GDI2: variants seen among roughly 807,000 people sequenced by gnomAD.
GDI2 encodes rab GDP dissociation inhibitor beta.
A neutral mutation model predicts 54.2 loss-of-function variants in GDI2; 22 were observed. That is an observed-to-expected ratio of 0.41 (90% CI 0.29 to 0.58). The LOEUF (loss-of-function observed/expected upper bound fraction) is 0.58. Ranked by LOEUF, GDI2 falls within the 20% of genes least tolerant of loss-of-function variation. The pLI, the probability that GDI2 is intolerant of heterozygous loss-of-function variation, is 0.35. For synonymous variants in GDI2, 177 were observed against 182.1 expected (o/e 0.97, Z 0.23); for missense variants, 422 against 546.0 (o/e 0.77, Z 2.26).
In GDI2 at chr10:5,786,538, C is replaced by T. The variant is rs138093890; in HGVS notation, c.389-488G>A. On this transcript the variant is annotated intron_variant, in intron 4 of 10. Transcript: ENST00000380191. ...AGTTTCACAACACCTTAAACTGACA[C>T]GATTATAACAGGTTACTTATAAAGT... Among the ~76,000 whole-genome samples, 6 of 152,178 alleles carry T rather than the reference C, an allele frequency of 3.9e-5. No homozygotes were observed. In the East Asian group the frequency reaches 7.7e-4, roughly 20 times the overall value.
intron 4 of GDI2, among the ~76,000 whole-genome samples, chr10:5,793,615 T>C (rs1392745431): frequency 6.6e-6 from 1 of 152,164 alleles, no homozygotes; most frequent in Non-Finnish European, 1.5e-5. Context: ...GAGAAAACTT[T>C]TCAGCGCTGA....
chr10:5,801,497 A>T (rs1440277275), intron 1 of GDI2, among the ~76,000 whole-genome samples: 2 of 151,884 alleles, frequency 1.3e-5, no homozygotes, highest in Non-Finnish European at 2.9e-5. Context: ...ACCAACATGG[A>T]GAAACCACAT....
chr10:5,795,218 C>G (rs1015956435), intron 3 of GDI2, among the ~76,000 whole-genome samples, 199 bp from the exon 4 acceptor site: 9 of 152,202 alleles, frequency 5.9e-5, no homozygotes, highest in African/African-American at 2.2e-4. Flanking sequence ...CAACCTCAGC[C>G]TCCTGGGCTC....
At chr10:5,772,547 G>A (rs980737503) in intron 7 of GDI2, among the ~76,000 whole-genome samples, 5 of 151,916 alleles carry the variant, frequency 3.3e-5, no homozygotes, top group South Asian at 2.1e-4. Context: ...ACTTGGGGCC[G>A]GGAGTTCGAG....
At chr10:5,801,743 G>A (rs1216014206) in intron 1 of GDI2, among the ~76,000 whole-genome samples, 1 of 152,116 alleles carries the variant, frequency 6.6e-6, no homozygotes. Context: ...AGGCATGGTG[G>A]CTCACACCTG....
chr10:5,766,013 T>C lies in GDI2; in HGVS notation c.1331A>G (p.Glu444Gly). 6.3e-7 allele frequency: 1 copy of C among 1,578,538 alleles called. No individual in the cohort carries two copies. Among genetic ancestry groups the C allele is most frequent in the Non-Finnish European group, 8.6e-7 (1 of 1,169,380 alleles). The part of the protein sequence containing the change: ...MKRKKNDIYG[E>G]D Reference sequence around the variant, plus strand: ...TAATAACATGTACTGCTGTTAGTCTTCCCCATAGATGTCATTCTTCTTGCG... The same window carrying C: ...TAATAACATGTACTGCTGTTAGTCTCCCCCATAGATGTCATTCTTCTTGCG... Residue 444 changes from glutamate (E) to glycine (G), a missense_variant, in exon 11 of 11, where the codon GAA becomes GGA. Physicochemically the swap from Glu to Gly is moderately conservative, Grantham distance 98. Coordinates refer to ENST00000380191, the MANE Select transcript of GDI2 (RefSeq NM_001494.4). This position sits in a 1 kb window ranked among gnomAD's most constrained non-coding sequence, Gnocchi z 5.8.
intron 7 of GDI2, among the ~76,000 whole-genome samples, chr10:5,773,016 T>C (rs1365711319): frequency 6.6e-6 from 1 of 152,122 alleles, no homozygotes; most frequent in Non-Finnish European, 1.5e-5. Context: ...AGTTTGAAAA[T>C]GTGCTTCACA....
At chr10:5,787,977 C>T (rs1425464308) in intron 4 of GDI2, among the ~76,000 whole-genome samples, 2 of 152,216 alleles carry the variant, frequency 1.3e-5, no homozygotes, top group African/African-American at 4.8e-5. Context: ...AGTGCCACTC[C>T]TGTTTTACAC....
intron 2 of GDI2, among the ~76,000 whole-genome samples, chr10:5,797,382 T>C (rs1050442833): frequency 1.3e-5 from 2 of 151,822 alleles, no homozygotes; most frequent in African/African-American, 4.8e-5. Flanking sequence ...CCATCTCTAC[T>C]GAAAATACAA....
chr10:5,766,322 T>A lies in GDI2; in HGVS notation c.1137-27A>T, dbSNP rs762229840. On this transcript the variant is annotated intron_variant, in intron 9 of 10. Transcript: ENST00000380191. The surrounding 1 kb of genome is among the most constrained non-coding windows in gnomAD (Gnocchi z 5.8). Reference sequence around the variant, plus strand: ...TGGAGGGAGAGAGAATTCAGTCAGGTGAGCTGGTCCCACACCTGACCATGG... The same window carrying A: ...TGGAGGGAGAGAGAATTCAGTCAGGAGAGCTGGTCCCACACCTGACCATGG... The A allele has an allele frequency of 6.3e-7, 1 of 1,592,524 alleles. No individual in the cohort carries two copies. The highest frequency in any genetic ancestry group is 1.7e-5 in the Admixed American group (1 of 59,996).
At chr10:5,809,681 C>T (rs1841448848) in intron 1 of GDI2, among the ~76,000 whole-genome samples, 2 of 152,164 alleles carry the variant, frequency 1.3e-5, no homozygotes, top group Non-Finnish European at 2.9e-5. Context: ...TACCTTTTTA[C>T]TGCCCATAAC....
Position 5,766,612 on chromosome 10 carries a change from C to T in GDI2, c.1018G>A (p.Ala340Thr). The change falls in exon 9 of 11, where the codon GCG becomes ACG. Residue 340 changes from alanine to threonine, a missense_variant. Coordinates refer to ENST00000380191, the MANE Select transcript of GDI2 (RefSeq NM_001494.4). The surrounding 1 kb of genome is among the most constrained non-coding windows in gnomAD (Gnocchi z 5.8). ...SDIYVCMISF[A>T]HNVAAQGKYI... is the part of the protein sequence containing the mutation. ...TTCCCTTGTGCTGCTACATTGTGCG[C>T]AAAGGAGATCATGCAGACGTAGATA... is the stretch of plus-strand genomic sequence containing the variant. The T allele has an allele frequency of 6.2e-7, 1 of 1,613,608 alleles. No homozygotes were observed. Among genetic ancestry groups the T allele is most frequent in the Non-Finnish European group, 8.5e-7 (1 of 1,179,512 alleles).
chr10:5,777,962 A>G (rs1352162060), intron 6 of GDI2, among the ~76,000 whole-genome samples: 3 of 152,262 alleles, frequency 2.0e-5, no homozygotes, highest in African/African-American at 2.4e-5. Context: ...GCCATAAAAA[A>G]GGATGAGTTC....
rs1841055259 is a variant in GDI2, at chr10:5,793,137, G to A, written c.388+1748C>T. ...AGCCTCCACAATACCTGGGACTACA[G>A]TAATGTACCACCACATCTGGCTAAT... On this transcript the variant is annotated intron_variant, in intron 4 of 10. Transcript: ENST00000380191. Among the ~76,000 whole-genome samples the A allele has an allele frequency of 3.9e-5, 6 of 152,038 alleles. No individual in the cohort carries two copies. The South Asian group carries it at 1.2e-3, about 32-fold the overall frequency.
At chr10:5,809,503 T>A (rs921162311) in intron 1 of GDI2, among the ~76,000 whole-genome samples, 1 of 152,310 alleles carries the variant, frequency 6.6e-6, no homozygotes, top group East Asian at 1.9e-4. Context: ...ACCTTGCCAA[T>A]ATTTTTTTAA....
chr10:5,777,630 A>C (rs534791530), intron 6 of GDI2, among the ~76,000 whole-genome samples: 14 of 152,346 alleles, frequency 9.2e-5, no homozygotes, highest in African/African-American at 3.4e-4. Flanking sequence ...AAAAGCCAGG[A>C]AACAGCAGAT....
intron 2 of GDI2, among the ~76,000 whole-genome samples, chr10:5,799,382 T>C (rs2131713293): frequency 6.6e-6 from 1 of 152,286 alleles, no homozygotes; most frequent in South Asian, 2.1e-4. Flanking sequence ...TCGGGCGTGG[T>C]GGCTCATGCC....
intron 2 of GDI2, among the ~76,000 whole-genome samples, chr10:5,799,259 C>T (rs11596435): frequency 0.22 from 34,085 of 152,130 alleles, 3,948 homozygotes; most frequent in Admixed American, 0.27. Flanking sequence ...ATCGTTTGAG[C>T]CCAGGAGTTC....
chr10:5,794,440 C>A (rs1459353765), intron 4 of GDI2, among the ~76,000 whole-genome samples: 1 of 151,684 alleles, frequency 6.6e-6, no homozygotes, highest in Non-Finnish European at 1.5e-5. Flanking sequence ...ATCCCAGCTA[C>A]TTATTACGTA....
Sources: allele counts gnomAD v4.1 joint callset (sites outside exome capture counted in the v4.1 genomes callset), GRCh38; gene constraint gnomAD v4.1.1; non-coding constraint Gnocchi (gnomAD v3.1); transcripts MANE v1.5; gene names NCBI Gene and HGNC (gene_info 2026-07-23, HGNC 2026-07-21).